The following CSN1S1 variants were observed in gnomAD, a reference collection of about 807,000 sequenced individuals.
CSN1S1 encodes casein alpha s1.
In CSN1S1, 63 loss-of-function variants were observed where a neutral mutation model predicts 49.1. That is an observed-to-expected ratio of 1.28 (90% confidence interval 1.05 to 1.58). The LOEUF is 1.58. Ranked by LOEUF, CSN1S1 falls within the 40% of genes most tolerant of loss-of-function variation. CSN1S1 has a pLI of 0.00. For missense variants in CSN1S1, 260 were observed against 224.7 expected, an observed-to-expected ratio of 1.16 and a Z score of -1.01; for synonymous variants, 78 against 67.1, an observed-to-expected ratio of 1.16 and a Z score of -0.79.
At chr4:69,942,680 C>G (rs1723015767) in intron 14 of CSN1S1, 103 bp downstream of exon 14, 1 of 878,196 alleles carries the variant, frequency 1.1e-6, no homozygotes, top group East Asian at 2.7e-5. Context: ...TTTTTCTTCT[C>G]AAACATTTCT....
chr4:69,934,733 C>G (rs770071447), intron 4 of CSN1S1, 23 bp downstream of exon 4: 75 of 1,602,450 alleles, frequency 4.7e-5, no homozygotes, highest in Non-Finnish European at 5.9e-5. Flanking sequence ...TATGGGGAGT[C>G]AGGATTCTCT....
chr4:69,934,579 T>G, intron 3 of CSN1S1, 111 bp from the exon 4 acceptor site: 1 of 915,594 alleles, frequency 1.1e-6, no homozygotes, highest in Non-Finnish European at 1.7e-6. Flanking sequence ...TCATTTGATA[T>G]GTTGAATCTT....
chr4:69,935,468 T>C (rs915011760), intron 4 of CSN1S1, among the ~76,000 whole-genome samples: 2 of 151,854 alleles, frequency 1.3e-5, no homozygotes, highest in African/African-American at 4.8e-5. Context: ...GAGGGTCACT[T>C]GAGCATGGGC....
chr4:69,939,542 C>T (rs1289910068), intron 10 of CSN1S1, among the ~76,000 whole-genome samples: 5 of 151,632 alleles, frequency 3.3e-5, no homozygotes, highest in Non-Finnish European at 7.4e-5. Context: ...TGCTTATAAA[C>T]CCATGAAGTA....
chr4:69,932,610 A>C lies in CSN1S1; in HGVS notation c.51+4A>C. On this transcript the variant is annotated splice_donor_region_variant and intron_variant, in intron 2 of 15. Coordinates refer to ENST00000246891, the MANE Select transcript of CSN1S1 (RefSeq NM_001890.2). ...GGCTGTTGCTCTTGCCAGGCCTGTA[A>C]GTTCAGTAGAGAATTTAGAAAGTCT... The C allele has an allele frequency of 6.3e-7, 1 of 1,591,400 alleles. No individual in the cohort carries two copies. Among genetic ancestry groups the C allele is most frequent in the Non-Finnish European group, 8.6e-7 (1 of 1,166,550 alleles).
chr4:69,937,058 A>G (rs1286454950), intron 7 of CSN1S1, 63 bp from the exon 8 acceptor site: 14 of 1,375,380 alleles, frequency 1.0e-5, no homozygotes, highest in Non-Finnish European at 1.4e-5. Flanking sequence ...CTCAAACTTT[A>G]TGAGATAAAA....
At position 69,937,258 on chromosome 4, in the gene CSN1S1, A is replaced by G. The variant is rs1041845430; in HGVS notation, c.219+114A>G. 3.5e-5 allele frequency: 26 copies of G among 738,064 alleles called. No individual in the cohort carries two copies. The African/African-American group carries it at 4.4e-4, about 12-fold the overall frequency. The allele number at this position is 738,064 out of a possible 1,614,324, so 45.7% of individuals were successfully genotyped here. A position where few individuals can be genotyped will look rare whatever the true frequency, so the allele number is the denominator to read the frequency against. Reference sequence around the variant, plus strand: ...AACTATGGCAGATAACTCTAATTCAAAGAAAGAAAAGAAATAGTGTATCAT... The same window carrying G: ...AACTATGGCAGATAACTCTAATTCAGAGAAAGAAAAGAAATAGTGTATCAT... On this transcript the variant is annotated intron_variant, in intron 8 of 15. Transcript: ENST00000246891.
chr4:69,934,852 C>A (rs1477308093), intron 4 of CSN1S1, 142 bp downstream of exon 4: 2 of 728,730 alleles, frequency 2.7e-6, no homozygotes, highest in Admixed American at 2.8e-5. Flanking sequence ...CTGGATTGCT[C>A]TCTAAATTCT....
chr4:69,936,461 C>T lies in CSN1S1; in HGVS notation c.135C>T (p.Tyr45=), dbSNP rs1722787353. The T allele has an allele frequency of 6.4e-7, 1 of 1,557,794 alleles. No individual in the cohort carries two copies. The highest frequency in any genetic ancestry group is 8.8e-7 in the Non-Finnish European group (1 of 1,131,760). Residue 45 remains tyrosine, a synonymous_variant, in exon 6 of 16, where the codon TAC becomes TAT. Transcript: ENST00000246891. The part of the protein sequence containing the change: ...EPIPLESREE[Y]MNGMNRQRNI... Reference sequence around the variant, plus strand: ...TTTTCTTTTTTATCCCTAAGGAATACATGAATGGTATGAACAGGGTAAGAA... The same window carrying T: ...TTTTCTTTTTTATCCCTAAGGAATATATGAATGGTATGAACAGGGTAAGAA...
At chr4:69,942,340 C>T (rs552291778) in intron 13 of CSN1S1, among the ~76,000 whole-genome samples, 196 bp from the exon 14 acceptor site, 1 of 152,042 alleles carries the variant, frequency 6.6e-6, no homozygotes, top group East Asian at 1.9e-4. Context: ...CTATAGTGAG[C>T]TTAGCCTTTA....
At chr4:69,934,323 T>G in intron 3 of CSN1S1, 79 bp downstream of exon 3, 1 of 1,337,056 alleles carries the variant, frequency 7.5e-7, no homozygotes, top group Non-Finnish European at 1.1e-6. Context: ...CCCTTCTCTA[T>G]GAAACAGCCT....
Position 69,936,595 on chromosome 4 carries a change from T to C in CSN1S1, c.183T>C (p.Thr61=), listed in dbSNP as rs1722793850. 1.9e-6 allele frequency: 3 copies of C among 1,605,504 alleles called. No individual in the cohort carries two copies. The South Asian group carries it at 3.3e-5, about 18-fold the overall frequency. Residue 61 remains threonine, a synonymous_variant, in exon 7 of 16, where the codon ACT becomes ACC. Coordinates refer to ENST00000246891, the MANE Select transcript of CSN1S1 (RefSeq NM_001890.2). ...GAAACATTCTGAGAGAAAAACAGAC[T>C]GATGAAATCAAGGTACCAAAGTTTT... is the stretch of plus-strand genomic sequence containing the variant. ...RQRNILREKQ[T]DEIKDTRNES... is the part of the protein sequence containing the mutation.
rs764905619 is a variant in CSN1S1, at chr4:69,944,936, G to T, written c.489G>T (p.Pro163=). The T allele has an allele frequency of 1.2e-6, 2 of 1,612,570 alleles. No homozygotes were observed. Among genetic ancestry groups the T allele is most frequent in the African/African-American group, 2.7e-5 (2 of 74,702 alleles). ...PQIMQYVPFP[P]FSDISNPTAH... Reference sequence around the variant, plus strand: ...TCATGCAGTATGTTCCTTTCCCACCGTTTTCCGACATCTCCAATCCCACTG... The same window carrying T: ...TCATGCAGTATGTTCCTTTCCCACCTTTTTCCGACATCTCCAATCCCACTG... Residue 163 remains proline, a synonymous_variant, in exon 15 of 16, where the codon CCG becomes CCT. Coordinates refer to ENST00000246891, the MANE Select transcript of CSN1S1 (RefSeq NM_001890.2).
At chr4:69,939,773 A>C (rs1366984309) in intron 10 of CSN1S1, among the ~76,000 whole-genome samples, 1 of 151,772 alleles carries the variant, frequency 6.6e-6, no homozygotes, top group Admixed American at 6.6e-5. Flanking sequence ...AATTGAATAA[A>C]AATCATTACT....
At chr4:69,933,684 ATTTG>A (rs1208994705) in intron 2 of CSN1S1, among the ~76,000 whole-genome samples, 2 of 151,994 alleles carry the variant, frequency 1.3e-5, no homozygotes, top group Non-Finnish European at 2.9e-5. Flanking sequence ...AGGGTTCTTT[ATTTG>A]TTTATGTCAC....
intron 7 of CSN1S1, among the ~76,000 whole-genome samples, chr4:69,936,918 T>C (rs931142330): frequency 6.6e-6 from 1 of 151,974 alleles, no homozygotes; most frequent in Non-Finnish European, 1.5e-5. Context: ...AAGGGTATTA[T>C]ATGAAGTAAT....
chr4:69,942,083 C>A lies in CSN1S1; in HGVS notation c.360+20C>A, dbSNP rs375246685. 12 of 1,401,710 alleles carry A rather than the reference C, an allele frequency of 8.6e-6. No individual in the cohort carries two copies. The East Asian group carries it at 2.8e-4, about 32-fold the overall frequency. 86.8% of individuals were successfully genotyped at this position (1,401,710 alleles called of 1,614,324 possible). On this transcript the variant is annotated intron_variant, in intron 13 of 15. Transcript: ENST00000246891. ...GCCCAGGTGAGATTATTTATTAAAT[C>A]TAAAATATTTTAGTATTTCCTTCAT...
intron 9 of CSN1S1, 38 bp downstream of exon 9, chr4:69,937,861 T>C: frequency 1.3e-6 from 2 of 1,493,084 alleles, no homozygotes; most frequent in Non-Finnish European, 1.8e-6. Context: ...TACACTTACG[T>C]ATCAAACATA....
intron 12 of CSN1S1, 96 bp from the exon 13 acceptor site, chr4:69,941,950 C>A: frequency 1.4e-6 from 1 of 719,482 alleles, no homozygotes; most frequent in Non-Finnish European, 2.2e-6. Context: ...CAGTATTTAA[C>A]ATTGTCCCTG....
Sources: gnomAD v4.1 joint callset for allele counts (sites outside exome capture counted in the v4.1 genomes callset) on GRCh38, gnomAD v4.1.1 for gene constraint, MANE v1.5 for transcripts, NCBI Gene and HGNC (gene_info 2026-07-23, HGNC 2026-07-21) for gene names.